PALLD: variants seen among roughly 807,000 people sequenced by gnomAD.
PALLD encodes palladin.
A neutral mutation model predicts 123.5 loss-of-function variants in PALLD; 61 were observed. The observed-to-expected ratio is 0.49, with a 90% CI of 0.40 to 0.61. The LOEUF (loss-of-function observed/expected upper bound fraction) is 0.61, where lower values mean the gene tolerates loss of function less well. Ranked by LOEUF, PALLD falls within the 20% of genes least tolerant of loss-of-function variation. The pLI, the probability that PALLD is intolerant of heterozygous loss-of-function variation, is 0.00. For synonymous variants in PALLD, 465 were observed against 496.4 expected, an observed-to-expected ratio of 0.94 and a Z score of 0.84; for missense variants, 1,273 against 1,377.0, an observed-to-expected ratio of 0.92 and a Z score of 1.20.
At chr4:168,859,725 A>C (rs1334458777) in intron 10 of PALLD, among the ~76,000 whole-genome samples, 1 of 152,154 alleles carries the variant, frequency 6.6e-6, no homozygotes, top group Non-Finnish European at 1.5e-5. Flanking sequence ...CCCTTGTGAG[A>C]AGTGAGGGAA....
intron 2 of PALLD, among the ~76,000 whole-genome samples, chr4:168,589,006 A>G (rs1156853061): frequency 2.6e-5 from 4 of 152,216 alleles, no homozygotes; most frequent in Non-Finnish European, 4.4e-5. Flanking sequence ...AAATGAACTT[A>G]AGGCCAGGGG....
intron 10 of PALLD, among the ~76,000 whole-genome samples, chr4:168,748,567 G>A (rs1316318082): frequency 2.0e-5 from 3 of 152,192 alleles, no homozygotes; most frequent in Admixed American, 6.5e-5. Context: ...GTAAGTTCCT[G>A]TGGATCAGGA....
chr4:168,690,805 A>C, intron 7 of PALLD, 61 bp downstream of exon 7: 5 of 1,527,848 alleles, frequency 3.3e-6, no homozygotes, highest in Non-Finnish European at 4.5e-6. Context: ...CTTCAAGAAA[A>C]CCAAGAAGGG....
At chr4:168,628,753 G>A (rs1775541154) in intron 2 of PALLD, among the ~76,000 whole-genome samples, 2 of 152,100 alleles carry the variant, frequency 1.3e-5, no homozygotes, top group African/African-American at 4.8e-5. Flanking sequence ...ACTCAACACA[G>A]AATTAACTTG....
chr4:168,861,993 A>G lies in PALLD; in HGVS notation c.1965-28929A>G, dbSNP rs544486101. Among the ~76,000 whole-genome samples, 18 of 152,208 alleles carry G rather than the reference A, an allele frequency of 1.2e-4. 1 individual carries two copies. In the South Asian group the frequency reaches 3.3e-3, roughly 28 times the overall value. On this transcript the variant is annotated intron_variant, in intron 10 of 21. Coordinates refer to ENST00000505667, the MANE Select transcript of PALLD (RefSeq NM_001166108.2). ...ATATTAGTTAACTTTTGTATAAGGT[A>G]TCAGTTGTGAGCTGAGGTTGGAAAT...
At chr4:168,718,276 C>A (rs1785561836) in intron 10 of PALLD, among the ~76,000 whole-genome samples, 1 of 152,114 alleles carries the variant, frequency 6.6e-6, no homozygotes, top group East Asian at 1.9e-4. Context: ...ATAAACCTTA[C>A]CTGGTTGATT....
intron 5 of PALLD, among the ~76,000 whole-genome samples, chr4:168,684,978 G>T (rs763037738): frequency 6.6e-6 from 1 of 152,014 alleles, no homozygotes; most frequent in Non-Finnish European, 1.5e-5. Context: ...ATTTTAGCAC[G>T]TTTCTTTTTT....
intron 14 of PALLD, among the ~76,000 whole-genome samples, chr4:168,901,827 T>C (rs2151291530): frequency 6.6e-6 from 1 of 152,288 alleles, no homozygotes; most frequent in East Asian, 1.9e-4. Context: ...CACTGCACTC[T>C]CTAGCCTGGG....
chr4:168,694,109 G>T (rs1184881740), intron 8 of PALLD, among the ~76,000 whole-genome samples: 2 of 152,164 alleles, frequency 1.3e-5, no homozygotes. Flanking sequence ...AAATATGACT[G>T]TTTACCTTCT....
At chr4:168,784,090 TA>T (rs1218658775) in intron 10 of PALLD, among the ~76,000 whole-genome samples, 8 of 152,000 alleles carry the variant, frequency 5.3e-5, no homozygotes, top group African/African-American at 1.9e-4. Flanking sequence ...TACAGAATAT[TA>T]AAAAAAATTT....
At chr4:168,915,408 A>C (rs1401314877) in intron 16 of PALLD, among the ~76,000 whole-genome samples, 3 of 152,234 alleles carry the variant, frequency 2.0e-5, no homozygotes, top group Non-Finnish European at 2.9e-5. Context: ...ATGGATAACT[A>C]ATGCAAAAGA....
Position 168,600,114 on chromosome 4 carries a change from T to C in PALLD, c.909-68076T>C, listed in dbSNP as rs540388546. On this transcript the variant is annotated intron_variant, in intron 2 of 21. Transcript: ENST00000505667. ...ATGCATGTGTATGCACACATATATATACATACATGTGTATACACACATATA... is the reference window on the plus strand; with the variant it reads ...ATGCATGTGTATGCACACATATATACACATACATGTGTATACACACATATA... 1.4e-3 allele frequency among the ~76,000 whole-genome samples: 192 copies of C among 137,348 alleles called. 1 individual carries two copies. Among genetic ancestry groups the C allele is most frequent in the African/African-American group, 4.4e-3 (174 of 39,138 alleles). The allele number at this position is 137,348 out of a possible 152,430, so 90.1% of individuals were successfully genotyped here. A position where few individuals can be genotyped will look rare whatever the true frequency, so the allele number is the denominator to read the frequency against.
rs570729054 is a variant in PALLD, at chr4:168,758,863, G to C, written c.1964+46940G>C. On this transcript the variant is annotated intron_variant, in intron 10 of 21. Coordinates refer to ENST00000505667, the MANE Select transcript of PALLD (RefSeq NM_001166108.2). Reference sequence around the variant, plus strand: ...ATCCATGGGCTGGGCCTGTGCAAATGGATTTCTTAGATTAAAAGTATAAAA... The same window carrying C: ...ATCCATGGGCTGGGCCTGTGCAAATCGATTTCTTAGATTAAAAGTATAAAA... 1.6e-4 allele frequency among the ~76,000 whole-genome samples: 24 copies of C among 151,800 alleles called. No individual in the cohort carries two copies. The East Asian group carries it at 3.9e-3, about 25-fold the overall frequency.
intron 19 of PALLD, 92 bp downstream of exon 19, chr4:168,924,512 T>C: frequency 8.3e-7 from 1 of 1,204,988 alleles, no homozygotes; most frequent in Non-Finnish European, 1.2e-6. Flanking sequence ...AATCTATGTG[T>C]AAAAGCCACA....
chr4:168,811,772 T>A (rs552541522), intron 10 of PALLD, among the ~76,000 whole-genome samples: 6,074 of 97,792 alleles, frequency 0.062, 373 homozygotes, highest in African/African-American at 0.19. Context: ...TCTCTCTCTC[T>A]CTCTCACACA....
intron 10 of PALLD, among the ~76,000 whole-genome samples, chr4:168,728,850 G>A (rs1043579500): frequency 6.6e-6 from 1 of 151,746 alleles, no homozygotes; most frequent in South Asian, 2.1e-4. Flanking sequence ...TTTATCCCTC[G>A]CCCTCCTCCC....
At chr4:168,880,388 T>G (rs755055004) in intron 10 of PALLD, among the ~76,000 whole-genome samples, 3 of 152,226 alleles carry the variant, frequency 2.0e-5, no homozygotes, top group Non-Finnish European at 2.9e-5. Flanking sequence ...GACATCAAAG[T>G]GGCAATACCA....
intron 10 of PALLD, among the ~76,000 whole-genome samples, chr4:168,766,554 A>G (rs1249503089): frequency 2.6e-5 from 4 of 152,232 alleles, no homozygotes; most frequent in Non-Finnish European, 5.9e-5. Flanking sequence ...GAATGGACAC[A>G]TGCAGAGACG....
chr4:168,828,101 C>A (rs1467685247), intron 10 of PALLD, among the ~76,000 whole-genome samples: 1 of 152,122 alleles, frequency 6.6e-6, no homozygotes, highest in Non-Finnish European at 1.5e-5. Context: ...CTGATGCTGA[C>A]CTGATTATCA....
Sources: allele counts gnomAD v4.1 joint callset (sites outside exome capture counted in the v4.1 genomes callset), GRCh38; gene constraint gnomAD v4.1.1; transcripts MANE v1.5; gene names NCBI Gene and HGNC (gene_info 2026-07-23, HGNC 2026-07-21).